The following ESR2 variants were observed in gnomAD, a reference collection of about 807,000 sequenced individuals.
ESR2 encodes the protein estrogen receptor 2.
A neutral mutation model predicts 49.6 loss-of-function variants in ESR2; 36 were observed. The observed-to-expected ratio is 0.73, with a 90% CI of 0.56 to 0.96. The LOEUF (loss-of-function observed/expected upper bound fraction) is 0.96, where lower values mean the gene tolerates loss of function less well. ESR2 is among the 40% of genes least tolerant of loss of function. The pLI, the probability that ESR2 is intolerant of heterozygous loss-of-function variation, is 0.00. For missense variants in ESR2, 714 were observed against 693.0 expected (o/e 1.03, Z -0.34); for synonymous variants, 320 against 266.1 (o/e 1.20, Z -1.97).
chr14:64,326,209 T>C (rs2140901039), intron 1 of ESR2, among the ~76,000 whole-genome samples: 1 of 152,242 alleles, frequency 6.6e-6, no homozygotes, highest in East Asian at 1.9e-4. Context: ...CTCAGCAATA[T>C]TTTACCCCCA....
At chr14:64,256,970 G>A (rs1245000150) in intron 6 of ESR2, among the ~76,000 whole-genome samples, 5 of 152,060 alleles carry the variant, frequency 3.3e-5, no homozygotes, top group Admixed American at 6.6e-5. Flanking sequence ...ACATACCTAC[G>A]GGATACAGTC....
At position 64,286,985 on chromosome 14, in the gene ESR2, G is replaced by A. The variant is rs552455043; in HGVS notation, c.-90-3910C>T. On this transcript the variant is annotated intron_variant, in intron 1 of 8. Transcript: ENST00000341099. ...GCCCGCCTTAGCCTCCCAAAGTGCTGGGATTACAGGTGTGAGTCACCGTGC... is the reference window on the plus strand; with the variant it reads ...GCCCGCCTTAGCCTCCCAAAGTGCTAGGATTACAGGTGTGAGTCACCGTGC... Among the ~76,000 whole-genome samples, 19 of 151,594 alleles carry A rather than the reference G, an allele frequency of 1.3e-4. No individual in the cohort carries two copies. In the East Asian group the frequency reaches 3.1e-3, roughly 25 times the overall value.
Position 64,282,813 on chromosome 14 carries a change from A to T in ESR2, c.173T>A (p.Ile58Asn). Reference protein sequence around the residue: ...FYSPAVMNYSIPSNVTNLEGG... With the variant: ...FYSPAVMNYSNPSNVTNLEGG... ...TTCCAAGTTAGTGACATTGCTGGGA[A>T]TGCTGTAATTCATCACAGCAGGGCT... is the stretch of plus-strand genomic sequence containing the variant. Residue 58 changes from isoleucine (I) to asparagine (N), a missense_variant, in exon 2 of 9, where the codon ATT becomes AAT. Transcript: ENST00000341099. The T allele has an allele frequency of 6.2e-7, 1 of 1,614,156 alleles. No individual in the cohort carries two copies. Among genetic ancestry groups the T allele is most frequent in the African/African-American group, 1.3e-5 (1 of 75,070 alleles).
At chr14:64,336,723 A>G (rs888156594) in intron 1 of ESR2, 4 of 152,200 alleles carry the variant, frequency 2.6e-5, no homozygotes, top group Admixed American at 1.3e-4. Flanking sequence ...TTGGATGTCT[A>G]AGAGGCAAGG....
At chr14:64,239,675 A>C (rs2075679614) in intron 7 of ESR2, among the ~76,000 whole-genome samples, 1 of 152,210 alleles carries the variant, frequency 6.6e-6, no homozygotes, top group South Asian at 2.1e-4. Context: ...ATAACACCTT[A>C]GAGTTTATAA....
At chr14:64,310,336 C>T (rs992654729) in intron 1 of ESR2, among the ~76,000 whole-genome samples, 1 of 147,172 alleles carries the variant, frequency 6.8e-6, no homozygotes, top group African/African-American at 2.6e-5. Flanking sequence ...TGTAGAGCAG[C>T]TTCAAATTTG....
chr14:64,288,506 C>T (rs373264279), intron 1 of ESR2, among the ~76,000 whole-genome samples: 1 of 151,766 alleles, frequency 6.6e-6, no homozygotes, highest in African/African-American at 2.4e-5. Context: ...CGCCACCATG[C>T]CCAGCTAATT....
chr14:64,227,742 TC>T (rs1476212570), downstream of ESR2: 9 of 1,553,558 alleles, frequency 5.8e-6, no homozygotes, highest in Non-Finnish European at 6.9e-6. Context: ...GCTGGTTTGC[TC>T]CCCATCTCCA....
intron 5 of ESR2, among the ~76,000 whole-genome samples, chr14:64,259,602 A>G (rs898659736): frequency 6.6e-6 from 1 of 152,228 alleles, no homozygotes; most frequent in African/African-American, 2.4e-5. Flanking sequence ...GATATATATT[A>G]CAAATGGGCT....
At chr14:64,262,177 T>G (rs1239665151) in intron 4 of ESR2, among the ~76,000 whole-genome samples, 2 of 148,690 alleles carry the variant, frequency 1.3e-5, no homozygotes, top group Non-Finnish European at 3.0e-5. Flanking sequence ...GGTACAGTCA[T>G]GATCACAGCT....
chr14:64,233,518 T>A, intron 8 of ESR2, 195 bp from the exon 9 acceptor site: 1 of 572,500 alleles, frequency 1.7e-6, no homozygotes, highest in Non-Finnish European at 3.1e-6. Context: ...CGATGTCTTG[T>A]CAGCCTCTGT....
intron 1 of ESR2, among the ~76,000 whole-genome samples, chr14:64,322,347 C>A (rs1381841707): frequency 6.6e-6 from 1 of 152,140 alleles, no homozygotes; most frequent in African/African-American, 2.4e-5. Flanking sequence ...GCATGTGCCA[C>A]TGCACCTGGC....
upstream of ESR2, among the ~76,000 whole-genome samples, chr14:64,296,216 G>A (rs1006723716): frequency 2.0e-5 from 3 of 152,064 alleles, no homozygotes; most frequent in South Asian, 2.1e-4. Context: ...CATACCTGAC[G>A]CTGTGCTAAG....
chr14:64,336,310 T>C (rs1197345424), intron 1 of ESR2: 2 of 152,330 alleles, frequency 1.3e-5, no homozygotes, highest in East Asian at 1.9e-4. Flanking sequence ...CCCTTCAAAA[T>C]GGTTGTAAAA....
chr14:64,249,822 T>TA, intron 6 of ESR2, 143 bp from the exon 7 acceptor site: 5 of 763,266 alleles, frequency 6.6e-6, no homozygotes, highest in Non-Finnish European at 1.0e-5. Flanking sequence ...AACAGGGTGT[T>TA]AATGAGACCA....
At chr14:64,328,576 C>T (rs755367166) in intron 1 of ESR2, among the ~76,000 whole-genome samples, 10 of 152,164 alleles carry the variant, frequency 6.6e-5, no homozygotes, top group Non-Finnish European at 1.0e-4. Flanking sequence ...ACATCACACA[C>T]GGTATCTCAG....
chr14:64,290,018 T>A (rs1413083895), intron 1 of ESR2, among the ~76,000 whole-genome samples: 1 of 152,176 alleles, frequency 6.6e-6, no homozygotes, highest in East Asian at 1.9e-4. Context: ...TTTAAAAAGA[T>A]TTCTTAAGCA....
At chr14:64,326,426 T>C (rs1406631776) in intron 1 of ESR2, among the ~76,000 whole-genome samples, 2 of 152,188 alleles carry the variant, frequency 1.3e-5, no homozygotes, top group African/African-American at 4.8e-5. Flanking sequence ...GCCCTACACC[T>C]ACACTCATTT....
chr14:64,322,518 G>GAAAAA (rs35866794), intron 1 of ESR2, among the ~76,000 whole-genome samples: 1 of 86,468 alleles, frequency 1.2e-5, no homozygotes, highest in Non-Finnish European at 2.7e-5. Flanking sequence ...CCACAGAAAG[G>GAAAAA]AAAAAAAAAA....
Sources: allele counts gnomAD v4.1 joint callset (sites outside exome capture counted in the v4.1 genomes callset), GRCh38; gene constraint gnomAD v4.1.1; transcripts MANE v1.5; gene names NCBI Gene and HGNC (gene_info 2026-07-23, HGNC 2026-07-21).